C4orf51: variants seen among roughly 807,000 people sequenced by gnomAD.
The protein encoded by C4orf51 is chromosome 4 open reading frame 51.
A neutral mutation model predicts 25.2 loss-of-function variants in C4orf51; 25 were observed. The ratio of observed to expected loss-of-function variants is 0.99; its 90% CI spans 0.72 to 1.39. The LOEUF is 1.39. Ranked by LOEUF, C4orf51 falls within the 40% of genes most tolerant of loss-of-function variation. The probability of loss-of-function intolerance (pLI) is 0.00; values close to 1 mark genes in which losing one functional copy is unlikely to be tolerated. For synonymous variants in C4orf51, 100 were observed against 84.5 expected (o/e 1.18, Z -1.01); for missense variants, 252 against 239.6 (o/e 1.05, Z -0.34).
chr4:145,779,508 G>A, the C4orf51 span: 2 of 1,612,686 alleles, frequency 1.2e-6, no homozygotes, highest in African/African-American at 2.7e-5. Context: ...TATCTTTTCT[G>A]TTTCTGGGTC....
rs1022843194 is a variant in C4orf51 at position 145,761,084 on chromosome 4, G to A, written n.167-9904G>A. 2 of 1,289,462 alleles carry A rather than the reference G, an allele frequency of 1.6e-6. No homozygotes were observed. Among genetic ancestry groups the A allele is most frequent in the Non-Finnish European group, 2.0e-6 (2 of 988,722 alleles). 79.9% of individuals were successfully genotyped at this position (1,289,462 alleles called of 1,614,324 possible). ...TGGGAGGCAGACATAACTGACAGGG[G>A]AGACAGGAGATTCCGGGAGCTCCCG... On this transcript the variant is annotated intron_variant and non_coding_transcript_variant, in intron 1 of 1. Coordinates refer to the C4orf51 transcript ENST00000510096. The surrounding 1 kb of genome is among the most constrained non-coding windows in gnomAD (Gnocchi z 6.8).
intron 1 of C4orf51, among the ~76,000 whole-genome samples, chr4:145,739,791 C>T (rs1277050365): frequency 2.6e-5 from 4 of 152,144 alleles, no homozygotes; most frequent in Non-Finnish European, 5.9e-5. Flanking sequence ...GAATTACTCT[C>T]CTGACTAAAA....
Position 145,761,131 on chromosome 4 carries a change from G to T in C4orf51, n.167-9857G>T, listed in dbSNP as rs1006112784. 1 of 1,289,526 alleles carries T rather than the reference G, an allele frequency of 7.8e-7. No individual in the cohort carries two copies. The highest frequency in any genetic ancestry group is 1.5e-5 in the African/African-American group (1 of 65,862). 79.9% of individuals were successfully genotyped at this position (1,289,526 alleles called of 1,614,324 possible). On this transcript the variant is annotated intron_variant and non_coding_transcript_variant, in intron 1 of 1. Transcript: ENST00000510096. This position sits in a 1 kb window ranked among gnomAD's most constrained non-coding sequence, Gnocchi z 6.8. ...CCCGACCACCAGGAGCGGGGCCCCC[G>T]GGCCGGCCGGTTCCTTGGGGGCTGG...
intron 1 of C4orf51, among the ~76,000 whole-genome samples, chr4:145,740,229 C>G: frequency 8.1e-6 from 1 of 122,816 alleles, no homozygotes; most frequent in African/African-American, 3.3e-5. Flanking sequence ...ATAGCTATCT[C>G]TCCCTTTCTG....
intron 1 of C4orf51, among the ~76,000 whole-genome samples, chr4:145,680,772 G>A (rs1250232688): frequency 6.6e-6 from 1 of 152,120 alleles, no homozygotes; most frequent in African/African-American, 2.4e-5. Context: ...TGGTTTTCTG[G>A]CTTTCAGGAG....
downstream of C4orf51, chr4:145,774,781 A>T: frequency 8.0e-7 from 1 of 1,251,596 alleles, no homozygotes; most frequent in South Asian, 1.5e-5. Context: ...GGAATTTGAA[A>T]CACATTTGTC....
intron 4 of C4orf51, among the ~76,000 whole-genome samples, chr4:145,729,501 C>T (rs921942603): frequency 1.3e-5 from 2 of 151,958 alleles, no homozygotes; most frequent in East Asian, 1.9e-4. Flanking sequence ...CGGGGTTTCA[C>T]CGTGTTAGCC....
intron 1 of C4orf51, among the ~76,000 whole-genome samples, chr4:145,748,387 A>G (rs1343074576): frequency 1.3e-5 from 2 of 151,936 alleles, no homozygotes; most frequent in Non-Finnish European, 2.9e-5. Flanking sequence ...TTTCAATTTC[A>G]TGTATTTCTG....
intron 1 of C4orf51, among the ~76,000 whole-genome samples, chr4:145,687,027 C>A (rs1440471565): frequency 1.3e-5 from 2 of 151,838 alleles, no homozygotes; most frequent in Non-Finnish European, 1.5e-5. Flanking sequence ...CCTTCTACCC[C>A]TTTGAAAGAA....
At chr4:145,717,093 G>A (rs1429067421) in intron 2 of C4orf51, among the ~76,000 whole-genome samples, 1 of 151,908 alleles carries the variant, frequency 6.6e-6, no homozygotes, top group Non-Finnish European at 1.5e-5. Flanking sequence ...CATTCATATT[G>A]TTTTTTGTGC....
At chr4:145,770,665 G>C (rs1223689641) in intron 1 of C4orf51, among the ~76,000 whole-genome samples, 1 of 151,828 alleles carries the variant, frequency 6.6e-6, no homozygotes, top group Non-Finnish European at 1.5e-5. Context: ...TACAGAGTTG[G>C]CTCTCAAAAA....
rs1364652311 is a variant in C4orf51, at chr4:145,732,601, C to T, written c.*41C>T. ...CACAAGGCTGGAGGCGTGGAGTTTG[C>T]TTAATAAACAACTTTGAGGTATGGG... is the stretch of plus-strand genomic sequence containing the variant. On this transcript the variant is annotated 3_prime_UTR_variant, in exon 6 of 6. Coordinates refer to ENST00000438731, the MANE Select transcript of C4orf51 (RefSeq NM_001080531.3). The T allele has an allele frequency of 2.1e-6, 3 of 1,443,156 alleles. No homozygotes were observed. The highest frequency in any genetic ancestry group is 2.9e-6 in the Non-Finnish European group (3 of 1,039,052). The allele number at this position is 1,443,156 out of a possible 1,614,324, so 89.4% of individuals were successfully genotyped here. A position where few individuals can be genotyped will look rare whatever the true frequency, so the allele number is the denominator to read the frequency against.
downstream of C4orf51, among the ~76,000 whole-genome samples, chr4:145,755,648 A>G (rs1733894629): frequency 6.6e-6 from 1 of 152,234 alleles, no homozygotes; most frequent in Non-Finnish European, 1.5e-5. Context: ...GATGTTGTAC[A>G]GGGAAAAACG....
chr4:145,736,885 C>T (rs897790060), downstream of C4orf51, among the ~76,000 whole-genome samples: 29 of 152,152 alleles, frequency 1.9e-4, no homozygotes, highest in African/African-American at 6.8e-4. Context: ...TTTGGGGAAC[C>T]TAGGATCTGT....
At chr4:145,759,612 G>A (rs1326550290) in intron 1 of C4orf51, 2 of 152,070 alleles carry the variant, frequency 1.3e-5, no homozygotes, top group African/African-American at 4.8e-5. Context: ...ATATGTCAAA[G>A]AGGTTGTGGC....
At chr4:145,710,438 G>A (rs1240356005) in intron 2 of C4orf51, among the ~76,000 whole-genome samples, 2 of 152,202 alleles carry the variant, frequency 1.3e-5, no homozygotes, top group Non-Finnish European at 2.9e-5. Flanking sequence ...TTCCCTTAGG[G>A]TGGGCTGTCT....
intron 2 of C4orf51, among the ~76,000 whole-genome samples, chr4:145,707,277 A>C (rs1178790638): frequency 1.3e-5 from 2 of 152,198 alleles, no homozygotes; most frequent in Admixed American, 1.3e-4. Flanking sequence ...TCTTCTTTAT[A>C]ACCTTCCGTG....
rs376020060 is a variant in C4orf51, at chr4:145,680,384, A to G, written c.181A>G (p.Met61Val). 5.6e-6 allele frequency: 9 copies of G among 1,614,004 alleles called. No individual in the cohort carries two copies. The South Asian group carries it at 8.8e-5, about 16-fold the overall frequency. The stretch of plus-strand genomic sequence containing the variant: ...CCGGAAAAAACAACTGGACAAGTCC[A>G]TGTGCAGCCAATTTTCTTTTAGAGC... The part of the protein sequence containing the change: ...SYRKKQLDKS[M>V]CSQFSFRAGQ... The change falls in exon 1 of 6, where the codon ATG (methionine) becomes GTG (valine). Residue 61 changes from methionine to valine, a missense_variant. Transcript: ENST00000438731.
downstream of C4orf51, among the ~76,000 whole-genome samples, chr4:145,775,416 T>C (rs557140889): frequency 6.6e-6 from 1 of 152,124 alleles, no homozygotes; most frequent in South Asian, 2.1e-4. Context: ...CTCAGATTTA[T>C]ATTTCCTCAG....
Sources: allele counts gnomAD v4.1 joint callset (sites outside exome capture counted in the v4.1 genomes callset), GRCh38; gene constraint gnomAD v4.1.1; non-coding constraint Gnocchi (gnomAD v3.1); transcripts MANE v1.5; gene names NCBI Gene and HGNC (gene_info 2026-07-23, HGNC 2026-07-21).